The following DNAH11 variants were observed in gnomAD, a reference collection of about 807,000 sequenced individuals.
DNAH11 encodes the protein axonemal beta dynein heavy chain 11.
A neutral mutation model predicts 526.0 loss-of-function variants in DNAH11; 442 were observed. The observed-to-expected ratio is 0.84, with a 90% CI of 0.78 to 0.91. DNAH11 has a LOEUF of 0.91. Ranked by LOEUF, DNAH11 falls within the 40% of genes least tolerant of loss-of-function variation. DNAH11 has a pLI of 0.00. For missense variants in DNAH11, 6,989 were observed against 5,448.7 expected (o/e 1.28, Z -8.90); for synonymous variants, 2,461 against 1,935.9 (o/e 1.27, Z -7.12).
chr7:21,852,672 G>T (rs374008310), intron 67 of DNAH11, 41 bp downstream of exon 67: 1 of 1,521,158 alleles, frequency 6.6e-7, no homozygotes, highest in Non-Finnish European at 8.8e-7. Context: ...CTAATGCTCT[G>T]TTCGAATGAG....
At chr7:21,848,199 A>G (rs1333502536) in intron 66 of DNAH11, among the ~76,000 whole-genome samples, 3 of 148,734 alleles carry the variant, frequency 2.0e-5, no homozygotes, top group Admixed American at 6.6e-5. Context: ...TTATGCTTTC[A>G]GGGAGAGTAG....
intron 28 of DNAH11, among the ~76,000 whole-genome samples, chr7:21,652,836 A>T (rs1490411719): frequency 1.3e-5 from 2 of 152,038 alleles, no homozygotes; most frequent in Non-Finnish European, 2.9e-5. Context: ...TCTCTATCAA[A>T]AGAGGGGCCT....
rs770545335 is a variant in DNAH11, at chr7:21,725,862, G to A, written c.7318G>A (p.Ala2440Thr). ...TCGGTGGTGGCAGAAAGAGATGAAA[G>A]CAGTGAAATTTCCGTCGCAGGGAAC... is the stretch of plus-strand genomic sequence containing the variant. ...FSRWWQKEMK[A>T]VKFPSQGTIF... is the part of the protein sequence containing the mutation. Residue 2440 changes from alanine (A) to threonine (T), a missense_variant, in exon 45 of 82, where the codon GCA (alanine) becomes ACA (threonine). Ala to Thr is a moderately conservative substitution (Grantham distance 58). Coordinates refer to ENST00000409508, the MANE Select transcript of DNAH11 (RefSeq NM_001277115.2). The A allele has an allele frequency of 1.2e-6, 2 of 1,611,684 alleles. No individual in the cohort carries two copies. Among genetic ancestry groups the A allele is most frequent in the Non-Finnish European group, 1.7e-6 (2 of 1,178,918 alleles).
At position 21,786,301 on chromosome 7, in the gene DNAH11, C is replaced by CGTGTGT. The variant is rs201711952; in HGVS notation, c.9598-323_9598-322insGTGTGT. Among the ~76,000 whole-genome samples the CGTGTGT allele has an allele frequency of 0.4, 45,659 of 115,526 alleles. 8,009 individuals are homozygous for CGTGTGT. The highest frequency in any genetic ancestry group is 0.46 in the Non-Finnish European group (27,299 of 59,118). 75.8% of individuals were successfully genotyped at this position (115,526 alleles called of 152,430 possible). ...CTATAAATATCTTACAACATATACACATGTGTGTGTGTGTGTGTGTGTGTG... is the reference window on the plus strand; with the variant it reads ...CTATAAATATCTTACAACATATACACGTGTGTATGTGTGTGTGTGTGTGTGTGTGTG... On this transcript the variant is annotated intron_variant, in intron 58 of 81. Coordinates refer to ENST00000409508, the MANE Select transcript of DNAH11 (RefSeq NM_001277115.2).
At chr7:21,656,272 A>G (rs1782012672) in intron 29 of DNAH11, among the ~76,000 whole-genome samples, 1 of 152,198 alleles carries the variant, frequency 6.6e-6, no homozygotes, top group Non-Finnish European at 1.5e-5. Context: ...AATTAGTAGC[A>G]AATGCAACTC....
At chr7:21,772,772 G>C (rs960876765) in intron 55 of DNAH11, among the ~76,000 whole-genome samples, 4 of 152,190 alleles carry the variant, frequency 2.6e-5, no homozygotes, top group Admixed American at 1.3e-4. Flanking sequence ...AATTTGTCGT[G>C]ATGTTGGAAA....
At chr7:21,833,283 G>C (rs941602253) in intron 65 of DNAH11, among the ~76,000 whole-genome samples, 1 of 152,188 alleles carries the variant, frequency 6.6e-6, no homozygotes, top group Non-Finnish European at 1.5e-5. Flanking sequence ...TCTTAAGCAA[G>C]TGAGGAAATA....
rs546464643 is a variant in DNAH11 at position 21,625,715 on chromosome 7, C to G, written c.4500+5637C>G. On this transcript the variant is annotated intron_variant, in intron 25 of 81. Coordinates refer to ENST00000409508, the MANE Select transcript of DNAH11 (RefSeq NM_001277115.2). The stretch of plus-strand genomic sequence containing the variant: ...GTTGTGTTTCTGTTTTCATTTGTCT[C>G]AATATATTTTAAAATTTCTCTTTTA... Among the ~76,000 whole-genome samples the G allele has an allele frequency of 1.8e-4, 27 of 152,108 alleles. 1 individual carries two copies. The East Asian group carries it at 5.0e-3, about 28-fold the overall frequency.
intron 43 of DNAH11, among the ~76,000 whole-genome samples, chr7:21,718,879 A>G (rs1784772523): frequency 6.6e-6 from 1 of 152,240 alleles, no homozygotes; most frequent in Non-Finnish European, 1.5e-5. Flanking sequence ...TTCGCACACC[A>G]ATTAAATAAA....
At chr7:21,695,109 G>A (rs1182391954) in intron 35 of DNAH11, among the ~76,000 whole-genome samples, 1 of 152,152 alleles carries the variant, frequency 6.6e-6, no homozygotes, top group African/African-American at 2.4e-5. Context: ...CAAACAAATA[G>A]AAAAGCATTC....
intron 32 of DNAH11, among the ~76,000 whole-genome samples, chr7:21,685,243 A>C (rs1019916563): frequency 3.9e-5 from 6 of 152,204 alleles, no homozygotes; most frequent in Non-Finnish European, 2.9e-5. Context: ...AGAATAGTCA[A>C]AACTGCAAAT....
intron 20 of DNAH11, among the ~76,000 whole-genome samples, chr7:21,608,648 T>C (rs947075250): frequency 6.6e-6 from 1 of 152,200 alleles, no homozygotes; most frequent in African/African-American, 2.4e-5. Flanking sequence ...GCTAATATAC[T>C]TGGTTTTATT....
chr7:21,761,038 C>G (rs1045020423), intron 54 of DNAH11, among the ~76,000 whole-genome samples: 2 of 152,026 alleles, frequency 1.3e-5, no homozygotes, highest in African/African-American at 4.8e-5. Flanking sequence ...TGATTTTTCC[C>G]TCACAGTAAT....
intron 28 of DNAH11, among the ~76,000 whole-genome samples, chr7:21,642,064 A>G (rs1402591837): frequency 6.6e-6 from 1 of 152,136 alleles, no homozygotes; most frequent in Non-Finnish European, 1.5e-5. Context: ...CAGTATAAAC[A>G]TGCTTACAGT....
chr7:21,819,109 C>G lies in DNAH11; in HGVS notation c.10691+770C>G, dbSNP rs1352268989. On this transcript the variant is annotated intron_variant, in intron 65 of 81. Transcript: ENST00000409508. ...CTGGCACTCAAGAGACTCCTTATGC[C>G]TCTTCACACAACCGACATTCACTAG... Among the ~76,000 whole-genome samples the G allele has an allele frequency of 3.9e-5, 6 of 152,264 alleles. No individual in the cohort carries two copies. In the South Asian group the frequency reaches 1.0e-3, roughly 26 times the overall value.
At chr7:21,765,815 C>G (rs1787160507) in intron 55 of DNAH11, among the ~76,000 whole-genome samples, 1 of 152,158 alleles carries the variant, frequency 6.6e-6, no homozygotes, top group Non-Finnish European at 1.5e-5. Flanking sequence ...GGAGGATGTG[C>G]ACACGTGCGT....
intron 25 of DNAH11, among the ~76,000 whole-genome samples, chr7:21,631,808 C>A (rs190211188): frequency 4.6e-5 from 7 of 152,162 alleles, no homozygotes; most frequent in African/African-American, 1.7e-4. Context: ...TACAAGCTGT[C>A]GGTGGATCTA....
intron 8 of DNAH11, among the ~76,000 whole-genome samples, chr7:21,576,292 G>T (rs1302912467): frequency 1.3e-5 from 2 of 152,196 alleles, no homozygotes; most frequent in Non-Finnish European, 2.9e-5. Flanking sequence ...TGCCTGAAAG[G>T]CCTCAGCAAG....
chr7:21,649,454 C>T lies in DNAH11; in HGVS notation c.4945-6378C>T, dbSNP rs544456185. The stretch of plus-strand genomic sequence containing the variant: ...GTATTGTCTTTATACAATGGAATAC[C>T]ACATAGCAATAAAAATGAAGAAAAC... On this transcript the variant is annotated intron_variant, in intron 28 of 81. Transcript: ENST00000409508. Among the ~76,000 whole-genome samples, 15 of 152,004 alleles carry T rather than the reference C, an allele frequency of 9.9e-5. No homozygotes were observed. The East Asian group carries it at 2.3e-3, about 24-fold the overall frequency.
Sources: gnomAD v4.1 joint callset for allele counts (sites outside exome capture counted in the v4.1 genomes callset) on GRCh38, gnomAD v4.1.1 for gene constraint, MANE v1.5 for transcripts, NCBI Gene and HGNC (gene_info 2026-07-23, HGNC 2026-07-21) for gene names.